ZNF729: variants seen among roughly 807,000 people sequenced by gnomAD.
The protein encoded by ZNF729 is zinc finger protein 729.
Under a neutral mutation model 12.2 loss-of-function variants are expected in ZNF729, and 15 were observed. That is an observed-to-expected ratio of 1.23 (90% confidence interval 0.82 to 1.89). The LOEUF is 1.89. ZNF729 is among the 40% of genes most tolerant of loss of function. ZNF729 has a pLI of 0.00. For missense variants in ZNF729, 1,540 were observed against 1,456.7 expected, an observed-to-expected ratio of 1.06 and a Z score of -0.93; for synonymous variants, 492 against 476.3, an observed-to-expected ratio of 1.03 and a Z score of -0.43.
At chr19:22,307,798 GTGTTTTT>G (rs1413980345) in intron 3 of ZNF729, among the ~76,000 whole-genome samples, 219 of 76,904 alleles carry the variant, frequency 2.8e-3, no homozygotes, top group African/African-American at 0.013. Flanking sequence ...GGAAAGCTCT[GTGTTTTT>G]TTTTTTTTTT....
chr19:22,316,917 A>G lies in ZNF729; in HGVS notation c.3500A>G (p.Lys1167Arg). The G allele has an allele frequency of 4.3e-6, 7 of 1,613,238 alleles. No homozygotes were observed. Among genetic ancestry groups the G allele is most frequent in the Non-Finnish European group, 5.9e-6 (7 of 1,179,986 alleles). The change falls in exon 4 of 4, where the codon AAA (lysine) becomes AGA (arginine). Residue 1167 changes from lysine to arginine, a missense_variant. Coordinates refer to ENST00000601693, the MANE Select transcript of ZNF729 (RefSeq NM_001242680.2). ...CCCTACAAATGTGAAGAATGTGGCA[A>G]AGCCTTTAACCAGTCCTCACACCTT... ...EKPYKCEECG[K>R]AFNQSSHLTR...
At chr19:22,289,965 A>T (rs1382472764) in intron 1 of ZNF729, among the ~76,000 whole-genome samples, 1 of 152,206 alleles carries the variant, frequency 6.6e-6, no homozygotes, top group South Asian at 2.1e-4. Context: ...TCTTACTGAG[A>T]CATAAAATGT....
Position 22,314,263 on chromosome 19 carries a change from T to G in ZNF729, c.846T>G (p.His282Gln). ...ACCAGTCCTCAAATCTTACTGACCA[T>G]AAGAGAATTCATACTGGAGAGAAAA... is the stretch of plus-strand genomic sequence containing the variant. ...AFNQSSNLTDHKRIHTGEKTY... is the reference protein window; with the variant it reads ...AFNQSSNLTDQKRIHTGEKTY... The change falls in exon 4 of 4, where the codon CAT (histidine) becomes CAG (glutamine). Residue 282 changes from histidine to glutamine, a missense_variant. Physicochemically the swap from His to Gln is conservative, Grantham distance 24. Transcript: ENST00000601693. 5 of 1,609,942 alleles carry G rather than the reference T, an allele frequency of 3.1e-6. No individual in the cohort carries two copies. The highest frequency in any genetic ancestry group is 4.2e-6 in the Non-Finnish European group (5 of 1,178,668).
intron 3 of ZNF729, among the ~76,000 whole-genome samples, chr19:22,309,269 A>G (rs1968421764): frequency 6.6e-6 from 1 of 152,090 alleles, no homozygotes; most frequent in African/African-American, 2.4e-5. Context: ...AGGTGGTGAA[A>G]CCCCATCTCT....
At chr19:22,297,089 A>G (rs1465726048) in intron 1 of ZNF729, among the ~76,000 whole-genome samples, 1 of 152,200 alleles carries the variant, frequency 6.6e-6, no homozygotes, top group East Asian at 1.9e-4. Context: ...GTAGATGTCT[A>G]CTAGGACTCT....
Position 22,314,205 on chromosome 19 carries a change from CT to C in ZNF729, c.791del (p.Phe264SerfsTer49). The C allele has an allele frequency of 6.2e-7, 1 of 1,600,544 alleles. No homozygotes were observed. The highest frequency in any genetic ancestry group is 8.5e-7 in the Non-Finnish European group (1 of 1,173,946). On this transcript the variant is annotated frameshift_variant, in exon 4 of 4. Transcript: ENST00000601693. LOFTEE classifies it low-confidence loss of function (END_TRUNC). ...AAGAGAATTCATACTGGAGAGACACCTTTCAGATGTGAAGAATGTGGCAAAG... is the reference window on the plus strand; with the variant it reads ...AAGAGAATTCATACTGGAGAGACACCTTCAGATGTGAAGAATGTGGCAAAG... ...KHKRIHTGET[P>X]FRCEECGKAF...
chr19:22,304,003 C>A, intron 2 of ZNF729, 119 bp downstream of exon 2: 1 of 917,652 alleles, frequency 1.1e-6, no homozygotes, highest in Non-Finnish European at 1.5e-6. Flanking sequence ...TCCCTGTTTT[C>A]TGGAAACAGG....
chr19:22,304,605 A>G (rs1208251471), intron 2 of ZNF729, 83 bp from the exon 3 acceptor site: 1 of 1,204,858 alleles, frequency 8.3e-7, no homozygotes, highest in Admixed American at 2.3e-5. Flanking sequence ...AATTTACTAG[A>G]ATATTCTATT....
rs1242935455 is a variant in ZNF729 at position 22,314,168 on chromosome 19, T to G, written c.751T>G (p.Phe251Val). The G allele has an allele frequency of 6.3e-7, 1 of 1,575,776 alleles. No homozygotes were observed. Among genetic ancestry groups the G allele is most frequent in the African/African-American group, 1.4e-5 (1 of 73,832 alleles). ...CAATGCCTTTAAATTTTCTTCAACG[T>G]TCACTAAACATAAGAGAATTCATAC... ...CGNAFKFSST[F>V]TKHKRIHTGE... Residue 251 changes from phenylalanine to valine, a missense_variant, in exon 4 of 4, where the codon TTC becomes GTC. Transcript: ENST00000601693.
In ZNF729 at chr19:22,317,092, A is replaced by G. The variant is rs577582373; in HGVS notation, c.3675A>G (p.Leu1225=). ...ATGTGAAGAAAGTACCAAAGCTTTT[A>G]AGCAATCCTCACACCTTACTAGACA... ...PTNVKKVPKL[L]SNPHTLLDKT... Residue 1225 remains leucine, a synonymous_variant, in exon 4 of 4, where the codon TTA becomes TTG. Coordinates refer to ENST00000601693, the MANE Select transcript of ZNF729 (RefSeq NM_001242680.2). 2 of 1,600,796 alleles carry G rather than the reference A, an allele frequency of 1.2e-6. No homozygotes were observed. Among genetic ancestry groups the G allele is most frequent in the Non-Finnish European group, 1.7e-6 (2 of 1,174,650 alleles).
At chr19:22,304,845 C>T in intron 3 of ZNF729, 62 bp downstream of exon 3, 2 of 1,511,644 alleles carry the variant, frequency 1.3e-6, no homozygotes, top group Middle Eastern at 1.8e-4. Context: ...AGGAGAAAGC[C>T]AGTTCTCAAA....
At chr19:22,306,008 G>A in intron 3 of ZNF729, among the ~76,000 whole-genome samples, 1 of 152,018 alleles carries the variant, frequency 6.6e-6, no homozygotes, top group Admixed American at 6.6e-5. Flanking sequence ...TAGAGACAGG[G>A]TTTTGCCTTG....
In ZNF729 at chr19:22,316,323, G is replaced by T; in HGVS notation, c.2906G>T (p.Cys969Phe). ...TGKKPYKCAECGKAFKQSSHL... is the reference protein window; with the variant it reads ...TGKKPYKCAEFGKAFKQSSHL... ...AAGAAACCATACAAATGTGCAGAAT[G>T]TGGCAAAGCTTTTAAGCAATCCTCA... The change falls in exon 4 of 4, where the codon TGT becomes TTT. Residue 969 changes from cysteine to phenylalanine, a missense_variant. Cys to Phe is a radical substitution (Grantham distance 205). Transcript: ENST00000601693. The T allele has an allele frequency of 6.2e-7, 1 of 1,613,712 alleles. No individual in the cohort carries two copies. Among genetic ancestry groups the T allele is most frequent in the African/African-American group, 1.3e-5 (1 of 75,036 alleles).
intron 1 of ZNF729, among the ~76,000 whole-genome samples, chr19:22,292,026 C>T (rs117506422): frequency 0.013 from 1,969 of 152,310 alleles, 29 homozygotes; most frequent in Middle Eastern, 0.041. Context: ...GCCACTGTGC[C>T]CAGCCAGCGA....
At chr19:22,311,632 GT>G (rs1387558094) in intron 3 of ZNF729, among the ~76,000 whole-genome samples, 3 of 152,116 alleles carry the variant, frequency 2.0e-5, no homozygotes, top group African/African-American at 7.2e-5. Context: ...TTTGGAGAAA[GT>G]TTCATGTGCT....
intron 3 of ZNF729, 133 bp from the exon 4 acceptor site, chr19:22,313,538 A>G (rs1233887664): frequency 5.3e-6 from 4 of 749,448 alleles, no homozygotes; most frequent in East Asian, 3.0e-5. Flanking sequence ...TTATATGTCT[A>G]TGAAGAAATT....
rs115431916 is a variant in ZNF729 at position 22,291,336 on chromosome 19, G to A, written c.30+4781G>A. On this transcript the variant is annotated intron_variant, in intron 1 of 3. Coordinates refer to ENST00000601693, the MANE Select transcript of ZNF729 (RefSeq NM_001242680.2). ...TAAAAACTTAGAGTAAAAAAGTTCT[G>A]ATAACAGACCCCCTTTTTCCACTGC... Among the ~76,000 whole-genome samples, 1,263 of 152,172 alleles carry A rather than the reference G, an allele frequency of 8.3e-3. 17 individuals carry two copies. The highest frequency in any genetic ancestry group is 0.027 in the African/African-American group (1,107 of 41,518).
chr19:22,287,392 G>T (rs1050280289), intron 1 of ZNF729, among the ~76,000 whole-genome samples: 6 of 151,772 alleles, frequency 4.0e-5, no homozygotes, highest in Non-Finnish European at 7.4e-5. Flanking sequence ...TCAGCTTCCT[G>T]AGTAGCTGGG....
At chr19:22,299,849 G>A (rs936674792) in intron 1 of ZNF729, 7 of 152,284 alleles carry the variant, frequency 4.6e-5, no homozygotes, top group African/African-American at 1.2e-4. Context: ...CTGCAGCTCA[G>A]GCTTCCCTCT....
Sources: allele counts gnomAD v4.1 joint callset (sites outside exome capture counted in the v4.1 genomes callset), GRCh38; gene constraint gnomAD v4.1.1; transcripts MANE v1.5; gene names NCBI Gene and HGNC (gene_info 2026-07-23, HGNC 2026-07-21).